The following KCNJ6 variants were observed in gnomAD, a reference collection of about 807,000 sequenced individuals.
KCNJ6 encodes the protein potassium inwardly rectifying channel subfamily J member 6.
A neutral mutation model predicts 34.2 loss-of-function variants in KCNJ6; 9 were observed. The ratio of observed to expected loss-of-function variants is 0.26; its 90% CI spans 0.16 to 0.46. KCNJ6 has a LOEUF of 0.46. KCNJ6 is among the 20% of genes least tolerant of loss of function. The pLI is 1.00. For synonymous variants in KCNJ6, 196 were observed against 207.1 expected (o/e 0.95, Z 0.46); for missense variants, 236 against 531.3 (o/e 0.44, Z 5.46).
intron 2 of KCNJ6, among the ~76,000 whole-genome samples, chr21:37,807,199 A>G (rs2055297805): frequency 6.6e-6 from 1 of 152,244 alleles, no homozygotes; most frequent in Non-Finnish European, 1.5e-5. Flanking sequence ...CATTGAGTGT[A>G]GTTAGCTAAT....
rs191905279 is a variant in KCNJ6, at chr21:37,797,082, G to C, written c.25+43576C>G. Among the ~76,000 whole-genome samples the C allele has an allele frequency of 1.2e-3, 184 of 151,816 alleles. 2 individuals are homozygous for C. Among genetic ancestry groups the C allele is most frequent in the Non-Finnish European group, 7.1e-4 (48 of 67,978 alleles). On this transcript the variant is annotated intron_variant, in intron 2 of 3. Transcript: ENST00000609713. ...TGCTGGGCTTTCTTTCTTTTTTTAA[G>C]ATGGAGTCTTACTTTGTTGCCCAGG...
At chr21:37,649,509 C>T (rs2054422395) in intron 3 of KCNJ6, among the ~76,000 whole-genome samples, 1 of 152,188 alleles carries the variant, frequency 6.6e-6, no homozygotes, top group Non-Finnish European at 1.5e-5. Context: ...GGAGACAGGG[C>T]TTTCTGTAGT....
chr21:37,885,756 G>A (rs2055732358), intron 1 of KCNJ6, among the ~76,000 whole-genome samples: 1 of 152,194 alleles, frequency 6.6e-6, no homozygotes, highest in African/African-American at 2.4e-5. Context: ...ATGCAGCCCT[G>A]CTAACACCTT....
At chr21:37,844,774 C>A (rs188287275) in intron 1 of KCNJ6, among the ~76,000 whole-genome samples, 152 of 152,280 alleles carry the variant, frequency 1.0e-3, no homozygotes, top group African/African-American at 3.4e-3. Flanking sequence ...CTCCCCTGCT[C>A]TTTCTGACCA....
chr21:37,868,010 A>T (rs760676915), intron 1 of KCNJ6, among the ~76,000 whole-genome samples: 1 of 152,186 alleles, frequency 6.6e-6, no homozygotes, highest in Non-Finnish European at 1.5e-5. Flanking sequence ...GTGGATGGAA[A>T]CACTGGTGCA....
At chr21:37,798,829 G>T (rs1313840809) in intron 2 of KCNJ6, among the ~76,000 whole-genome samples, 1 of 152,146 alleles carries the variant, frequency 6.6e-6, no homozygotes, top group African/African-American at 2.4e-5. Context: ...ATTGATCTCG[G>T]TGATAGTTAC....
At position 37,714,868 on chromosome 21, in the gene KCNJ6, C is replaced by T; in HGVS notation, c.289G>A (p.Val97Ile). Residue 97 changes from valine to isoleucine, a missense_variant, in exon 3 of 4, where the codon GTC becomes ATC. Val to Ile is a conservative substitution (Grantham distance 29, BLOSUM62 3). Coordinates refer to ENST00000609713, the MANE Select transcript of KCNJ6 (RefSeq NM_002240.5). The surrounding 1 kb of genome is among the most constrained non-coding windows in gnomAD (Gnocchi z 5.9). ...AGCCAGGTCACTGTGTAAACCATGA[C>T]AAAAATCAATAGGTTGAATCTCCAC... ...LKWRFNLLIF[V>I]MVYTVTWLFF... 1 of 1,614,216 alleles carries T rather than the reference C, an allele frequency of 6.2e-7. No homozygotes were observed. The highest frequency in any genetic ancestry group is 8.5e-7 in the Non-Finnish European group (1 of 1,180,046).
At position 37,623,850 on chromosome 21, in the gene KCNJ6, A is replaced by G. The variant is rs951904881; in HGVS notation, c.*1309T>C. ...ATCACAATGCAAGAAATGCTGATGG[A>G]TAAGCCCCAGGGACAGGCGAGATGT... On this transcript the variant is annotated 3_prime_UTR_variant, in exon 4 of 4. Transcript: ENST00000609713. 6 of 152,242 alleles carry G rather than the reference A, an allele frequency of 3.9e-5. No homozygotes were observed. The highest frequency in any genetic ancestry group is 1.4e-4 in the African/African-American group (6 of 41,474). The allele number at this position is 152,242 out of a possible 1,614,324, so 9.4% of individuals were successfully genotyped here. A position where few individuals can be genotyped will look rare whatever the true frequency, so the allele number is the denominator to read the frequency against.
intron 1 of KCNJ6, among the ~76,000 whole-genome samples, chr21:37,891,955 A>G (rs2055764280): frequency 6.6e-6 from 1 of 152,182 alleles, no homozygotes; most frequent in African/African-American, 2.4e-5. Context: ...CACGCATCAC[A>G]TGACTCTCAG....
chr21:37,875,226 T>C (rs1055706925), intron 1 of KCNJ6, among the ~76,000 whole-genome samples: 2 of 152,176 alleles, frequency 1.3e-5, no homozygotes, highest in African/African-American at 4.8e-5. Context: ...AAACAGGCAT[T>C]ATTTTTGTAA....
intron 2 of KCNJ6, among the ~76,000 whole-genome samples, chr21:37,781,237 G>C (rs748936136): frequency 6.6e-6 from 1 of 152,236 alleles, no homozygotes; most frequent in Non-Finnish European, 1.5e-5. Context: ...GGGATGTCAA[G>C]TGTGATCCTT....
In KCNJ6 at chr21:37,715,155, G is replaced by A. The variant is rs776112458; in HGVS notation, c.26-24C>T. On this transcript the variant is annotated intron_variant, in intron 2 of 3. Transcript: ENST00000609713. Reference sequence around the variant, plus strand: ...AGCTGGTGGTTTGGAGAAAAGAAAAGAAACACTGAATGAAAGGCTGGCTCT... The same window carrying A: ...AGCTGGTGGTTTGGAGAAAAGAAAAAAAACACTGAATGAAAGGCTGGCTCT... The A allele has an allele frequency of 1.9e-6, 3 of 1,585,156 alleles. No homozygotes were observed. In the African/African-American group the frequency reaches 4.1e-5, roughly 21 times the overall value.
chr21:37,736,475 C>T (rs1181351938), intron 2 of KCNJ6, among the ~76,000 whole-genome samples: 1 of 152,174 alleles, frequency 6.6e-6, no homozygotes, highest in Non-Finnish European at 1.5e-5. Context: ...CTCTGAAATG[C>T]ACTCTTGTAA....
intron 3 of KCNJ6, among the ~76,000 whole-genome samples, chr21:37,640,719 G>A (rs562345969): frequency 7.9e-5 from 12 of 152,294 alleles, no homozygotes; most frequent in African/African-American, 1.9e-4. Context: ...TCTTTGATGC[G>A]TGGTATTTAA....
intron 3 of KCNJ6, among the ~76,000 whole-genome samples, chr21:37,679,815 G>A (rs780780559): frequency 2.0e-5 from 3 of 152,148 alleles, no homozygotes; most frequent in Non-Finnish European, 4.4e-5. Flanking sequence ...GTATGAATTG[G>A]TGTATCACAT....
chr21:37,636,003 A>T (rs570418028), intron 3 of KCNJ6, among the ~76,000 whole-genome samples: 2 of 152,184 alleles, frequency 1.3e-5, no homozygotes, highest in Admixed American at 6.5e-5. Context: ...TTAACTATTC[A>T]CGTATTTGGT....
At chr21:37,863,851 T>TTTTTTTTTTA (rs2055607380) in intron 1 of KCNJ6, among the ~76,000 whole-genome samples, 1 of 57,278 alleles carries the variant, frequency 1.7e-5, no homozygotes, top group African/African-American at 6.1e-5. Context: ...TAAAGGTTTT[T>TTTTTTTTTTA]TTTTTTTTGT....
intron 3 of KCNJ6, among the ~76,000 whole-genome samples, chr21:37,648,117 G>T (rs977502681): frequency 6.6e-6 from 1 of 152,176 alleles, no homozygotes; most frequent in Non-Finnish European, 1.5e-5. Context: ...AGCCCAGGGA[G>T]GGGGACATCA....
At chr21:37,842,197 T>G (rs568399846) in intron 1 of KCNJ6, among the ~76,000 whole-genome samples, 2 of 152,356 alleles carry the variant, frequency 1.3e-5, no homozygotes, top group South Asian at 4.1e-4. Context: ...GTCATCGTTA[T>G]GAAGTTTACT....
Sources: gnomAD v4.1 joint callset for allele counts (sites outside exome capture counted in the v4.1 genomes callset) on GRCh38, gnomAD v4.1.1 for gene constraint, Gnocchi (gnomAD v3.1) non-coding constraint, MANE v1.5 for transcripts, NCBI Gene and HGNC (gene_info 2026-07-23, HGNC 2026-07-21) for gene names.